The following ZBTB26 variants were observed in gnomAD, a reference collection of about 807,000 sequenced individuals.
ZBTB26 encodes the protein zinc finger and BTB domain containing 26, also known as zinc finger and BTB domain-containing protein 26.
A neutral mutation model predicts 31.6 loss-of-function variants in ZBTB26; 12 were observed. The observed-to-expected ratio is 0.38, with a 90% CI of 0.24 to 0.61. The LOEUF is 0.61. ZBTB26 is among the 20% of genes least tolerant of loss of function. The pLI, the probability that ZBTB26 is intolerant of heterozygous loss-of-function variation, is 0.60. For missense variants in ZBTB26, 311 were observed against 521.9 expected (o/e 0.60, Z 3.94); for synonymous variants, 155 against 182.9 (o/e 0.85, Z 1.23).
intron 1 of ZBTB26, among the ~76,000 whole-genome samples, chr9:122,927,815 A>G (rs1055222805): frequency 2.0e-5 from 3 of 151,760 alleles, no homozygotes; most frequent in African/African-American, 7.3e-5. Flanking sequence ...CCCTCCTTGC[A>G]TTTTGTTTAT....
In ZBTB26 at chr9:122,919,759, C is replaced by T. The variant is rs762515010; in HGVS notation, c.176G>A (p.Arg59Lys). 5 of 1,614,136 alleles carry T rather than the reference C, an allele frequency of 3.1e-6. No homozygotes were observed. The Admixed American group carries it at 8.3e-5, about 27-fold the overall frequency. ...GGAATCATTCAGTAAAAATTGGTCTCTTAAGAAGGGGGAACCTGCAGCAAA... is the reference window on the plus strand; with the variant it reads ...GGAATCATTCAGTAAAAATTGGTCTTTTAAGAAGGGGGAACCTGCAGCAAA... ...IVFAAGSPFL[R>K]DQFLLNDSRE... The change falls in exon 2 of 2, where the codon AGA (arginine) becomes AAA (lysine). Residue 59 changes from arginine to lysine, a missense_variant. This residue lies in a region of ZBTB26 where 207 missense variants were observed against 298.6 expected (regional missense o/e 0.69). Coordinates refer to ENST00000373656, the MANE Select transcript of ZBTB26 (RefSeq NM_020924.4). The surrounding 1 kb of genome is among the most constrained non-coding windows in gnomAD (Gnocchi z 6.1).
chr9:122,919,307 C>G lies in ZBTB26; in HGVS notation c.628G>C (p.Ala210Pro), dbSNP rs138402348. ...TGCTGGGGCTCTGATGAATGTAAAG[C>G]AGTGGGTTCAGAAGAAATAAACTGG... Reference protein sequence around the residue: ...QNQFISSEPTALHSSEPQHSL... With the variant: ...QNQFISSEPTPLHSSEPQHSL... The change falls in exon 2 of 2, where the codon GCT (alanine) becomes CCT (proline). Residue 210 changes from alanine to proline, a missense_variant. Physicochemically the swap from Ala to Pro is conservative, Grantham distance 27. This residue lies in a region of ZBTB26 where 207 missense variants were observed against 298.6 expected (regional missense o/e 0.69). Coordinates refer to ENST00000373656, the MANE Select transcript of ZBTB26 (RefSeq NM_020924.4). This position sits in a 1 kb window ranked among gnomAD's most constrained non-coding sequence, Gnocchi z 6.1. 1.2e-6 allele frequency: 2 copies of G among 1,614,146 alleles called. No homozygotes were observed. Among genetic ancestry groups the G allele is most frequent in the African/African-American group, 2.7e-5 (2 of 75,048 alleles).
In ZBTB26 at chr9:122,918,883, T is replaced by A; in HGVS notation, c.1052A>T (p.Asp351Val). Residue 351 changes from aspartate to valine, a missense_variant, in exon 2 of 2, where the codon GAT becomes GTT. Physicochemically the swap from Asp to Val is radical, Grantham distance 152. Around this residue, in one of 5 missense-constraint regions of ZBTB26, gnomAD observed 25 missense variants for 93.0 expected, o/e 0.27. Transcript: ENST00000373656. ...ACAATAGTTACATTTATGGGGCTTA[T>A]CTCCACTGTGAAGGTTAAGATGATC... ...LQDHLNLHSG[D>V]KPHKCNYCDM... is the part of the protein sequence containing the mutation. 1 of 1,614,224 alleles carries A rather than the reference T, an allele frequency of 6.2e-7. No homozygotes were observed. Among genetic ancestry groups the A allele is most frequent in the Non-Finnish European group, 8.5e-7 (1 of 1,180,044 alleles).
chr9:122,918,601 GC>G lies in ZBTB26; in HGVS notation c.*7del. 1.2e-6 allele frequency: 2 copies of G among 1,604,258 alleles called. No individual in the cohort carries two copies. The highest frequency in any genetic ancestry group is 1.7e-6 in the Non-Finnish European group (2 of 1,175,524). On this transcript the variant is annotated 3_prime_UTR_variant, in exon 2 of 2. Transcript: ENST00000373656. ...AGTCAGTTCGAGTTGTGAGCATGAA[GC>G]CCCTACTCAATTCACACAAGTACTA...
Position 122,918,246 on chromosome 9 carries a change from T to G in ZBTB26, c.*363A>C. On this transcript the variant is annotated 3_prime_UTR_variant, in exon 2 of 2. Transcript: ENST00000373656. Reference sequence around the variant, plus strand: ...ATTATTCACTTCTCTTAGCATAGCATCTATTAGTGGAGAGTAGGTGACGTT... The same window carrying G: ...ATTATTCACTTCTCTTAGCATAGCAGCTATTAGTGGAGAGTAGGTGACGTT... 5.1e-6 allele frequency: 1 copy of G among 195,302 alleles called. No individual in the cohort carries two copies. The highest frequency in any genetic ancestry group is 1.3e-4 in the South Asian group (1 of 7,996). The allele number at this position is 195,302 out of a possible 1,614,324, so 12.1% of individuals were successfully genotyped here. A position where few individuals can be genotyped will look rare whatever the true frequency, so the allele number is the denominator to read the frequency against.
Position 122,918,636 on chromosome 9 carries a change from T to G in ZBTB26, c.1299A>C (p.Leu433Phe). 1 of 1,613,096 alleles carries G rather than the reference T, an allele frequency of 6.2e-7. No individual in the cohort carries two copies. Among genetic ancestry groups the G allele is most frequent in the Non-Finnish European group, 8.5e-7 (1 of 1,179,700 alleles). ...AGKLAQAVLN[L>F]RNDSTCVN ...AATTCACACAAGTACTATCATTTCT[T>G]AAGTTCAGGACAGCTTGGGCCAGTT... The change falls in exon 2 of 2, where the codon TTA (leucine) becomes TTC (phenylalanine). Residue 433 changes from leucine (L) to phenylalanine (F), a missense_variant. This residue lies in a region of ZBTB26 where 49 missense variants were observed against 66.0 expected (regional missense o/e 0.74). Transcript: ENST00000373656.
At chr9:122,922,312 G>C (rs765287404) in intron 1 of ZBTB26, among the ~76,000 whole-genome samples, 1 of 152,064 alleles carries the variant, frequency 6.6e-6, no homozygotes, top group African/African-American at 2.4e-5. Flanking sequence ...TTCTCTGAGA[G>C]GCCCTTCCCT....
At position 122,929,860 on chromosome 9, in the gene ZBTB26, T is replaced by G. The variant is rs1161280903; in HGVS notation, c.-11+1577A>C. ...CCCCCAAGTCTCCAGATGCTCTGCA[T>G]GAATTGATCCAGTGGTCTCTCCTCG... On this transcript the variant is annotated intron_variant, in intron 1 of 1. Coordinates refer to ENST00000373656, the MANE Select transcript of ZBTB26 (RefSeq NM_020924.4). Among the ~76,000 whole-genome samples, 5 of 152,208 alleles carry G rather than the reference T, an allele frequency of 3.3e-5. No homozygotes were observed. The East Asian group carries it at 9.6e-4, about 29-fold the overall frequency.
chr9:122,920,533 G>C (rs12685577), intron 1 of ZBTB26, among the ~76,000 whole-genome samples: 12,493 of 152,164 alleles, frequency 0.082, 1,659 homozygotes, highest in East Asian at 0.61. Context: ...CACTGACACT[G>C]CTTGTCCAAT....
chr9:122,919,608 A>G lies in ZBTB26; in HGVS notation c.327T>C (p.Phe109=). The stretch of plus-strand genomic sequence containing the variant: ...GTTCTACAATGTGGCTCATCTGAAG[A>G]AAACTTGCAGCAGTCAAGTAATTTA... ...ELVNYLTAAS[F]LQMSHIVERC... Residue 109 remains phenylalanine (F), a synonymous_variant, in exon 2 of 2, where the codon TTT becomes TTC. Coordinates refer to ENST00000373656, the MANE Select transcript of ZBTB26 (RefSeq NM_020924.4). The surrounding 1 kb of genome is among the most constrained non-coding windows in gnomAD (Gnocchi z 6.1). 6.2e-7 allele frequency: 1 copy of G among 1,614,208 alleles called. No homozygotes were observed. The highest frequency in any genetic ancestry group is 1.6e-4 in the Middle Eastern group (1 of 6,062).
At chr9:122,930,815 C>T (rs1022915425) in intron 1 of ZBTB26, among the ~76,000 whole-genome samples, 16 of 152,228 alleles carry the variant, frequency 1.1e-4, no homozygotes, top group African/African-American at 3.9e-4. Flanking sequence ...TCAGACATCA[C>T]TTTCTTTCTA....
In ZBTB26 at chr9:122,928,082, G is replaced by A. The variant is rs530734782; in HGVS notation, c.-11+3355C>T. On this transcript the variant is annotated intron_variant, in intron 1 of 1. Coordinates refer to ENST00000373656, the MANE Select transcript of ZBTB26 (RefSeq NM_020924.4). ...ACTCCTGACCTCAAGTGATCCATCC[G>A]CCTCGGCCTCCCAATGTGCTGGGAT... is the stretch of plus-strand genomic sequence containing the variant. Among the ~76,000 whole-genome samples, 8 of 152,154 alleles carry A rather than the reference G, an allele frequency of 5.3e-5. No homozygotes were observed. The South Asian group carries it at 8.3e-4, about 16-fold the overall frequency.
rs562605147 is a variant in ZBTB26 at position 122,927,543 on chromosome 9, C to G, written c.-11+3894G>C. ...CTCAAAACTACTTGGAAATCTTTGT[C>G]CCTCATTGACATGGTATGTTCTTTT... On this transcript the variant is annotated intron_variant, in intron 1 of 1. Coordinates refer to ENST00000373656, the MANE Select transcript of ZBTB26 (RefSeq NM_020924.4). Among the ~76,000 whole-genome samples, 24 of 152,264 alleles carry G rather than the reference C, an allele frequency of 1.6e-4. 1 individual carries two copies. In the South Asian group the frequency reaches 4.8e-3, roughly 30 times the overall value.
intron 1 of ZBTB26, among the ~76,000 whole-genome samples, chr9:122,921,515 T>C (rs1408065561): frequency 6.6e-6 from 1 of 152,258 alleles, no homozygotes; most frequent in Non-Finnish European, 1.5e-5. Context: ...TCTTAACTTC[T>C]GTAACAATGG....
chr9:122,929,152 G>A (rs892424829), intron 1 of ZBTB26, among the ~76,000 whole-genome samples: 1 of 152,326 alleles, frequency 6.6e-6, no homozygotes, highest in East Asian at 1.9e-4. Flanking sequence ...AAGCCTGCAT[G>A]ACATCAAGGT....
At position 122,919,377 on chromosome 9, in the gene ZBTB26, T is replaced by C. The variant is rs1833062312; in HGVS notation, c.558A>G (p.Glu186=). ...TAACCTCTGATACATCCCCAATAGA[T>C]TCTACCTTAACAATCTGAATATCAC... ...EDSDIQIVKV[E]SIGDVSEVRS... Residue 186 remains glutamate (E), a synonymous_variant, in exon 2 of 2, where the codon GAA becomes GAG. Transcript: ENST00000373656. This position sits in a 1 kb window ranked among gnomAD's most constrained non-coding sequence, Gnocchi z 6.1. The C allele has an allele frequency of 1.2e-6, 2 of 1,614,090 alleles. No homozygotes were observed. Among genetic ancestry groups the C allele is most frequent in the African/African-American group, 2.7e-5 (2 of 74,924 alleles).
chr9:122,919,539 T>G lies in ZBTB26; in HGVS notation c.396A>C (p.Pro132=). 1 of 1,614,184 alleles carries G rather than the reference T, an allele frequency of 6.2e-7. No individual in the cohort carries two copies. The highest frequency in any genetic ancestry group is 1.3e-5 in the African/African-American group (1 of 75,044). ...GTTCACATCCCTCTTTACTATCCAT[T>G]GGTTGTTTTGGCTTTATAAACTTCC... The part of the protein sequence containing the change: ...ALWKFIKPKQ[P]MDSKEGCEPQ... The change falls in exon 2 of 2, where the codon CCA becomes CCC. Residue 132 remains proline, a synonymous_variant. Coordinates refer to ENST00000373656, the MANE Select transcript of ZBTB26 (RefSeq NM_020924.4). This position sits in a 1 kb window ranked among gnomAD's most constrained non-coding sequence, Gnocchi z 6.1.
intron 1 of ZBTB26, 59 bp from the exon 2 acceptor site, chr9:122,920,003 T>G (rs1833072254): frequency 6.6e-7 from 1 of 1,505,354 alleles, no homozygotes; most frequent in Admixed American, 2.3e-5. Flanking sequence ...TTAAGAAAGC[T>G]GGATCTACCT....
intron 1 of ZBTB26, among the ~76,000 whole-genome samples, chr9:122,926,472 A>T (rs899547772): frequency 1.3e-5 from 2 of 148,792 alleles, no homozygotes; most frequent in South Asian, 4.3e-4. Flanking sequence ...GTGCCACTGC[A>T]CTCCAGCCTG....
Sources: allele counts gnomAD v4.1 joint callset (sites outside exome capture counted in the v4.1 genomes callset), GRCh38; gene constraint gnomAD v4.1.1; regional missense constraint gnomAD v4.1.1; non-coding constraint Gnocchi (gnomAD v3.1); transcripts MANE v1.5; gene names NCBI Gene and HGNC (gene_info 2026-07-23, HGNC 2026-07-21).